Variants in LAMA2 observed in about 807,000 individuals in gnomAD.
The protein encoded by LAMA2 is laminin subunit alpha 2.
LAMA2 carries 269 observed loss-of-function variants against 364.8 expected under a neutral mutation model. The observed-to-expected ratio is 0.74, with a 90% CI of 0.67 to 0.82. The LOEUF (loss-of-function observed/expected upper bound fraction) is 0.82. LAMA2 is among the 40% of genes least tolerant of loss of function. The pLI, the probability that LAMA2 is intolerant of heterozygous loss-of-function variation, is 0.00. For synonymous variants in LAMA2, 1,379 were observed against 1,370.6 expected (o/e 1.01, Z -0.14); for missense variants, 3,807 against 3,873.2 (o/e 0.98, Z 0.45).
intron 1 of LAMA2, among the ~76,000 whole-genome samples, chr6:128,922,746 C>T (rs2114492065): frequency 6.6e-6 from 1 of 152,276 alleles, no homozygotes; most frequent in South Asian, 2.1e-4. Flanking sequence ...GCTTTTGTTG[C>T]CATTGCTTTT....
chr6:129,440,129 T>G (rs771018686), intron 42 of LAMA2, among the ~76,000 whole-genome samples: 46 of 152,224 alleles, frequency 3.0e-4, no homozygotes, highest in Middle Eastern at 6.8e-3. Flanking sequence ...CCCCACAGTT[T>G]GATTTCAGAG....
At chr6:128,992,595 G>A (rs1213161860) in intron 1 of LAMA2, among the ~76,000 whole-genome samples, 1 of 152,108 alleles carries the variant, frequency 6.6e-6, no homozygotes, top group Non-Finnish European at 1.5e-5. Context: ...CAAGGTACAG[G>A]GCCCAGGGAC....
At chr6:128,890,708 T>C (rs1776404243) in intron 1 of LAMA2, among the ~76,000 whole-genome samples, 2 of 152,124 alleles carry the variant, frequency 1.3e-5, no homozygotes, top group South Asian at 4.1e-4. Context: ...AAAATATTAA[T>C]TGATTCTTTA....
chr6:128,995,533 G>A (rs903527226), intron 1 of LAMA2, among the ~76,000 whole-genome samples: 2 of 151,922 alleles, frequency 1.3e-5, no homozygotes, highest in East Asian at 1.9e-4. Flanking sequence ...CGTGTTGGCC[G>A]GGCTGGTCTT....
At chr6:129,441,044 A>C in intron 43 of LAMA2, 46 bp downstream of exon 43, 4 of 1,516,468 alleles carry the variant, frequency 2.6e-6, no homozygotes, top group Non-Finnish European at 3.7e-6. Context: ...ATTTCCTCTC[A>C]CTGTAAAAGT....
chr6:129,023,454 C>T (rs1404272021), intron 1 of LAMA2, among the ~76,000 whole-genome samples: 1 of 152,114 alleles, frequency 6.6e-6, no homozygotes, highest in Non-Finnish European at 1.5e-5. Context: ...CAAACACTTC[C>T]ATGGTATCTA....
At chr6:129,454,421 T>A in intron 47 of LAMA2, 133 bp downstream of exon 47, 1 of 694,550 alleles carries the variant, frequency 1.4e-6, no homozygotes, top group Non-Finnish European at 2.5e-6. Flanking sequence ...GTATGAATTT[T>A]ATACATGTCT....
In LAMA2 at chr6:129,507,491, G is replaced by A. The variant is rs1172987134; in HGVS notation, c.8706G>A (p.Val2902=). Residue 2902 remains valine (V), a splice_region_variant and synonymous_variant, in exon 62 of 65, where the codon GTG becomes GTA. Coordinates refer to ENST00000421865, the MANE Select transcript of LAMA2 (RefSeq NM_000426.4). The part of the protein sequence containing the change: ...INYTTRRIGP[V]TYSIDGCVRN... ...TTTCTTCTGATCTGAATGTTTAGGT[G>A]ACCTATAGCATTGATGGCTGCGTCA... is the stretch of plus-strand genomic sequence containing the variant. 2.5e-6 allele frequency: 4 copies of A among 1,613,976 alleles called. No homozygotes were observed. The African/African-American group carries it at 4.0e-5, about 16-fold the overall frequency.
rs530288620 is a variant in LAMA2, at chr6:129,481,423, G to A, written c.7733G>A (p.Arg2578Gln). The A allele has an allele frequency of 6.2e-6, 10 of 1,613,674 alleles. No homozygotes were observed. Among genetic ancestry groups the A allele is most frequent in the Middle Eastern group, 1.7e-4 (1 of 6,054 alleles). Residue 2578 changes from arginine (R) to glutamine (Q), a missense_variant, in exon 55 of 65, where the codon CGA becomes CAA. Around this residue, in one of 3 missense-constraint regions of LAMA2, gnomAD observed 3,333 missense variants for 3,345.7 expected, o/e 1.00. Coordinates refer to ENST00000421865, the MANE Select transcript of LAMA2 (RefSeq NM_000426.4). The stretch of plus-strand genomic sequence containing the variant: ...ACACCAGCACCACCTAGGAGAAAAC[G>A]AAGGCAGACTGGACAGGTACCCTCA... The part of the protein sequence containing the change: ...GGTPAPPRRK[R>Q]RQTGQAYYAI...
chr6:129,019,170 C>T (rs1249711447), intron 1 of LAMA2, among the ~76,000 whole-genome samples: 1 of 152,074 alleles, frequency 6.6e-6, no homozygotes, highest in East Asian at 1.9e-4. Context: ...CAAATGGCTT[C>T]TTAAGAAATA....
intron 35 of LAMA2, among the ~76,000 whole-genome samples, chr6:129,385,593 C>G (rs1422572393): frequency 6.6e-6 from 1 of 152,092 alleles, no homozygotes; most frequent in Non-Finnish European, 1.5e-5. Context: ...TGAGTCATGA[C>G]CTCGTTATAG....
intron 12 of LAMA2, among the ~76,000 whole-genome samples, chr6:129,237,461 G>T (rs769830195): frequency 6.6e-6 from 1 of 151,776 alleles, no homozygotes; most frequent in Admixed American, 6.6e-5. Flanking sequence ...TCAGCCTCCC[G>T]AGTAGCTGGG....
chr6:128,971,204 A>G lies in LAMA2; in HGVS notation c.113-78714A>G, dbSNP rs544060805. ...AGCACTTTGAAGCATTTTGTTACACATATCTATAATTTAACATGATAATTA... is the reference window on the plus strand; with the variant it reads ...AGCACTTTGAAGCATTTTGTTACACGTATCTATAATTTAACATGATAATTA... On this transcript the variant is annotated intron_variant, in intron 1 of 64. Coordinates refer to ENST00000421865, the MANE Select transcript of LAMA2 (RefSeq NM_000426.4). Among the ~76,000 whole-genome samples, 502 of 152,336 alleles carry G rather than the reference A, an allele frequency of 3.3e-3. 1 individual carries two copies. The highest frequency in any genetic ancestry group is 5.4e-3 in the Non-Finnish European group (365 of 68,038).
At chr6:128,969,881 G>T (rs1038410481) in intron 1 of LAMA2, among the ~76,000 whole-genome samples, 1 of 152,322 alleles carries the variant, frequency 6.6e-6, no homozygotes, top group East Asian at 1.9e-4. Flanking sequence ...ATCTAATGTT[G>T]TGTGAAGATC....
At chr6:129,432,582 C>G (rs1221636867) in intron 41 of LAMA2, among the ~76,000 whole-genome samples, 1 of 152,074 alleles carries the variant, frequency 6.6e-6, no homozygotes, top group African/African-American at 2.4e-5. Flanking sequence ...TAATTTAGAC[C>G]AGAAATAAAC....
intron 29 of LAMA2, among the ~76,000 whole-genome samples, chr6:129,335,416 C>A (rs904987293): frequency 5.3e-5 from 8 of 151,440 alleles, no homozygotes; most frequent in Non-Finnish European, 1.0e-4. Context: ...AAGATATTTT[C>A]ATTTAATCAT....
intron 35 of LAMA2, among the ~76,000 whole-genome samples, chr6:129,386,655 C>G (rs1417938203): frequency 1.3e-5 from 2 of 152,092 alleles, no homozygotes; most frequent in Non-Finnish European, 2.9e-5. Context: ...CTTTAAAACA[C>G]TAATAATAAA....
intron 1 of LAMA2, among the ~76,000 whole-genome samples, chr6:128,917,266 T>A (rs2114475285): frequency 6.6e-6 from 1 of 152,194 alleles, no homozygotes; most frequent in African/African-American, 2.4e-5. Flanking sequence ...AAAGAGAGCT[T>A]GCCCATCAAT....
intron 1 of LAMA2, among the ~76,000 whole-genome samples, chr6:128,996,095 G>A (rs1783923225): frequency 6.6e-6 from 1 of 152,160 alleles, no homozygotes. Flanking sequence ...TGTATATGCG[G>A]TAAGTGCTAT....
Sources: gnomAD v4.1 joint callset for allele counts (sites outside exome capture counted in the v4.1 genomes callset) on GRCh38, gnomAD v4.1.1 for gene constraint, gnomAD v4.1.1 regional missense constraint, MANE v1.5 for transcripts, NCBI Gene and HGNC (gene_info 2026-07-23, HGNC 2026-07-21) for gene names.